Variants in WDR7 observed in about 807,000 individuals in gnomAD.
The protein encoded by WDR7 is WD repeat domain 7.
A neutral mutation model predicts 169.4 loss-of-function variants in WDR7; 46 were observed. The ratio of observed to expected loss-of-function variants is 0.27; its 90% CI spans 0.21 to 0.35. The LOEUF (loss-of-function observed/expected upper bound fraction) is 0.35, where lower values mean the gene tolerates loss of function less well. Ranked by LOEUF, WDR7 falls within the 10% of genes least tolerant of loss-of-function variation. The pLI is 1.00. For synonymous variants in WDR7, 612 were observed against 666.8 expected (o/e 0.92, Z 1.27); for missense variants, 1,534 against 1,859.3 (o/e 0.83, Z 3.22).
intron 13 of WDR7, among the ~76,000 whole-genome samples, chr18:56,719,435 G>A (rs1419406487): frequency 6.6e-6 from 1 of 151,906 alleles, no homozygotes; most frequent in Non-Finnish European, 1.5e-5. Flanking sequence ...GTTGGCGGGC[G>A]CCTGTAGTCC....
chr18:56,852,180 A>G (rs1167343108), intron 20 of WDR7, among the ~76,000 whole-genome samples: 2 of 152,258 alleles, frequency 1.3e-5, no homozygotes, highest in African/African-American at 4.8e-5. Context: ...AAGGCCATAA[A>G]TTCTGTCTCT....
chr18:56,854,644 G>A (rs1194319964), intron 20 of WDR7, among the ~76,000 whole-genome samples: 1 of 152,142 alleles, frequency 6.6e-6, no homozygotes, highest in East Asian at 1.9e-4. Context: ...TATCTGTTCA[G>A]ATCTTCTTGG....
intron 3 of WDR7, 41 bp downstream of exon 3, chr18:56,679,479 T>G: frequency 6.7e-7 from 1 of 1,492,022 alleles, no homozygotes; most frequent in Non-Finnish European, 9.3e-7. Flanking sequence ...CATGAGTCTT[T>G]ATAACTAGCA....
In WDR7 at chr18:56,756,767, G is replaced by A. The variant is rs749781140; in HGVS notation, c.2174G>A (p.Gly725Asp). Reference sequence around the variant, plus strand: ...CCAGAGAATTTGCAAAAAGCATCTGGCAGTTCAGACAAAGGGGGCTCTTTT... The same window carrying A: ...CCAGAGAATTTGCAAAAAGCATCTGACAGTTCAGACAAAGGGGGCTCTTTT... ...ISPENLQKAS[G>D]SSDKGGSFLT... Residue 725 changes from glycine (G) to aspartate (D), a missense_variant, in exon 15 of 28, where the codon GGC becomes GAC. Physicochemically the swap from Gly to Asp is moderately conservative, Grantham distance 94. Coordinates refer to ENST00000254442, the MANE Select transcript of WDR7 (RefSeq NM_015285.3). 25 of 1,613,958 alleles carry A rather than the reference G, an allele frequency of 1.5e-5. No homozygotes were observed. Among genetic ancestry groups the A allele is most frequent in the Non-Finnish European group, 6.8e-6 (8 of 1,180,022 alleles).
At chr18:56,692,431 G>GTTTT (rs202055251) in intron 9 of WDR7, among the ~76,000 whole-genome samples, 2 of 61,858 alleles carry the variant, frequency 3.2e-5, no homozygotes, top group East Asian at 4.9e-4. Context: ...TGAAAGCAGA[G>GTTTT]TTTTTTTTGT....
intron 20 of WDR7, among the ~76,000 whole-genome samples, chr18:56,866,634 GAA>G (rs2045886329): frequency 6.6e-6 from 1 of 152,078 alleles, no homozygotes; most frequent in African/African-American, 2.4e-5. Context: ...ATGTTTCAGA[GAA>G]ATGATAAGCA....
chr18:57,022,056 C>T (rs565946347), intron 27 of WDR7, among the ~76,000 whole-genome samples: 3 of 152,304 alleles, frequency 2.0e-5, no homozygotes, highest in Middle Eastern at 3.4e-3. Flanking sequence ...CATCTTAATT[C>T]GCTCATATTA....
intron 14 of WDR7, among the ~76,000 whole-genome samples, chr18:56,742,641 A>C (rs1294474258): frequency 2.0e-5 from 3 of 152,226 alleles, no homozygotes; most frequent in African/African-American, 4.8e-5. Context: ...GATAAATACA[A>C]TTGAATAAAG....
intron 20 of WDR7, among the ~76,000 whole-genome samples, chr18:56,832,892 A>T (rs1380534577): frequency 1.3e-5 from 2 of 152,158 alleles, no homozygotes; most frequent in Admixed American, 1.3e-4. Flanking sequence ...AACCAGCGCA[A>T]AAAGGCTGAA....
In WDR7 at chr18:56,682,695, T is replaced by C. The variant is rs1598958324; in HGVS notation, c.362T>C (p.Val121Ala). 2 of 1,613,262 alleles carry C rather than the reference T, an allele frequency of 1.2e-6. No homozygotes were observed. Among genetic ancestry groups the C allele is most frequent in the East Asian group, 4.5e-5 (2 of 44,858 alleles). The stretch of plus-strand genomic sequence containing the variant: ...TGAATGTAGTTCTACCAGTTCTCTG[T>C]TGGGAATCAGCGAGAAGGAAGGCTT... ...HTGIQFYQFS[V>A]GNQREGRLLC... is the part of the protein sequence containing the mutation. The change falls in exon 5 of 28, where the codon GTT (valine) becomes GCT (alanine). Residue 121 changes from valine to alanine, a missense_variant. Transcript: ENST00000254442.
Position 57,020,797 on chromosome 18 carries a change from G to A in WDR7, c.4217G>A (p.Gly1406Glu). Reference sequence around the variant, plus strand: ...ACTGCAGTGGCTTTTGCTCCTGATGGAAGATATCTTGCCACCTACTCAAAC... The same window carrying A: ...ACTGCAGTGGCTTTTGCTCCTGATGAAAGATATCTTGCCACCTACTCAAAC... ...PITAVAFAPD[G>E]RYLATYSNTD... is the part of the protein sequence containing the mutation. The change falls in exon 27 of 28, where the codon GGA (glycine) becomes GAA (glutamate). Residue 1406 changes from glycine (G) to glutamate (E), a missense_variant. Coordinates refer to ENST00000254442, the MANE Select transcript of WDR7 (RefSeq NM_015285.3). 6.2e-7 allele frequency: 1 copy of A among 1,614,152 alleles called. No individual in the cohort carries two copies. Among genetic ancestry groups the A allele is most frequent in the Non-Finnish European group, 8.5e-7 (1 of 1,180,008 alleles).
intron 7 of WDR7, among the ~76,000 whole-genome samples, chr18:56,689,779 A>G (rs779059031): frequency 1.4e-5 from 2 of 147,404 alleles, no homozygotes; most frequent in African/African-American, 2.5e-5. Context: ...CTGCCCATTC[A>G]TGAATTAATA....
At chr18:56,957,129 C>T (rs776831888) in intron 25 of WDR7, 7 of 152,080 alleles carry the variant, frequency 4.6e-5, no homozygotes, top group East Asian at 1.9e-4. Context: ...AATGCACATA[C>T]GCAGAACTAC....
intron 14 of WDR7, among the ~76,000 whole-genome samples, chr18:56,733,064 T>C (rs569766030): frequency 1.3e-5 from 2 of 152,340 alleles, no homozygotes; most frequent in East Asian, 1.9e-4. Context: ...TTTACAATCT[T>C]GTTTGTCCCT....
At chr18:56,759,412 CATT>C (rs1290605253) in intron 16 of WDR7, among the ~76,000 whole-genome samples, 1 of 152,054 alleles carries the variant, frequency 6.6e-6, no homozygotes, top group African/African-American at 2.4e-5. Flanking sequence ...TTATTTGAGT[CATT>C]ATATACCTTA....
At chr18:56,913,749 C>G (rs536450268) in intron 21 of WDR7, among the ~76,000 whole-genome samples, 2 of 152,174 alleles carry the variant, frequency 1.3e-5, no homozygotes, top group African/African-American at 4.8e-5. Context: ...GAACTGTGAT[C>G]ACACCACTGC....
At chr18:56,968,250 G>A (rs2047438765) in intron 26 of WDR7, among the ~76,000 whole-genome samples, 1 of 152,090 alleles carries the variant, frequency 6.6e-6, no homozygotes, top group Non-Finnish European at 1.5e-5. Context: ...CTGTTGTCTA[G>A]TGCCTGGTAT....
intron 21 of WDR7, among the ~76,000 whole-genome samples, chr18:56,909,846 AGGAGTTATATTTGAG>A (rs1184070451): frequency 6.6e-6 from 1 of 152,212 alleles, no homozygotes; most frequent in African/African-American, 2.4e-5. Flanking sequence ...TTAGTAAAAG[AGGAGTTATATTTGAG>A]GGAAAACTTA....
At chr18:56,870,642 G>T (rs2045940359) in intron 20 of WDR7, among the ~76,000 whole-genome samples, 1 of 152,128 alleles carries the variant, frequency 6.6e-6, no homozygotes, top group South Asian at 2.1e-4. Context: ...CCATTAGGCA[G>T]CCAGGTGTAT....
Sources: allele counts gnomAD v4.1 joint callset (sites outside exome capture counted in the v4.1 genomes callset), GRCh38; gene constraint gnomAD v4.1.1; transcripts MANE v1.5; gene names NCBI Gene and HGNC (gene_info 2026-07-23, HGNC 2026-07-21).